The following CDH4 variants were observed in gnomAD, a reference collection of about 807,000 sequenced individuals.
CDH4 encodes the protein cadherin-4.
CDH4 carries 33 observed loss-of-function variants against 86.0 expected under a neutral mutation model. The observed-to-expected ratio is 0.38, with a 90% CI of 0.29 to 0.51. The LOEUF (loss-of-function observed/expected upper bound fraction) is 0.51, where lower values mean the gene tolerates loss of function less well. CDH4 is among the 20% of genes least tolerant of loss of function. CDH4 has a pLI of 0.86. For missense variants in CDH4, 1,114 were observed against 1,307.4 expected (o/e 0.85, Z 2.28); for synonymous variants, 555 against 549.4 (o/e 1.01, Z -0.14).
intron 4 of CDH4, among the ~76,000 whole-genome samples, chr20:61,817,634 C>T (rs1455032226): frequency 6.6e-6 from 1 of 152,152 alleles, no homozygotes; most frequent in African/African-American, 2.4e-5. Flanking sequence ...CCACACTGAA[C>T]AGTGAGTGCC....
chr20:61,686,710 C>T (rs2087582635), intron 2 of CDH4, among the ~76,000 whole-genome samples: 2 of 146,400 alleles, frequency 1.4e-5, no homozygotes, highest in East Asian at 2.1e-4. Context: ...TGTGCGTGTG[C>T]ATTCCCGTGT....
chr20:61,556,710 CAGTGCCCCCAGTGGAGGTCCCCCAGTCTT>C (rs1362284916), intron 2 of CDH4, among the ~76,000 whole-genome samples: 1 of 151,960 alleles, frequency 6.6e-6, no homozygotes, highest in African/African-American at 2.4e-5. Flanking sequence ...CGTGCTTCTC[CAGTGCCCCCAGTGGAGGTCCCCCAGTCTT>C]GGTGCCCCCC....
chr20:61,283,651 G>A (rs2084277309), intron 2 of CDH4, among the ~76,000 whole-genome samples: 2 of 152,162 alleles, frequency 1.3e-5, no homozygotes, highest in Admixed American at 1.3e-4. Context: ...TGAGTGGATG[G>A]GAGGATATTT....
chr20:61,623,179 C>T lies in CDH4; in HGVS notation c.170-120384C>T, dbSNP rs929079357. Among the ~76,000 whole-genome samples, 1 of 152,104 alleles carries T rather than the reference C, an allele frequency of 6.6e-6. No individual in the cohort carries two copies. The highest frequency in any genetic ancestry group is 2.4e-5 in the African/African-American group (1 of 41,430). On this transcript the variant is annotated intron_variant, in intron 2 of 15. Transcript: ENST00000614565. The surrounding 1 kb of genome is among the most constrained non-coding windows in gnomAD (Gnocchi z 4.4). ...AGGTGGGAGTAGAAGGGCCTGGGTT[C>T]AAATCTCGACCCTGCCTATGCCAGC...
intron 2 of CDH4, among the ~76,000 whole-genome samples, chr20:61,401,506 C>T (rs1377222724): frequency 1.3e-5 from 2 of 152,172 alleles, no homozygotes; most frequent in Non-Finnish European, 2.9e-5. Flanking sequence ...AACTCGTGCT[C>T]GTGCAGCCAA....
At chr20:61,728,987 C>T (rs2088146092) in intron 2 of CDH4, among the ~76,000 whole-genome samples, 1 of 152,182 alleles carries the variant, frequency 6.6e-6, no homozygotes, top group African/African-American at 2.4e-5. Flanking sequence ...TGCAGTGACT[C>T]AGGGCAGCAG....
intron 2 of CDH4, among the ~76,000 whole-genome samples, chr20:61,737,650 G>A (rs1384378547): frequency 6.6e-6 from 1 of 152,210 alleles, no homozygotes; most frequent in Non-Finnish European, 1.5e-5. Context: ...TTGGCTGGGT[G>A]CCTTGCTCCC....
chr20:61,814,138 A>G (rs1049487520), intron 4 of CDH4, among the ~76,000 whole-genome samples: 3 of 152,216 alleles, frequency 2.0e-5, no homozygotes, highest in Non-Finnish European at 2.9e-5. Context: ...CCTGCTGAGT[A>G]TGGTAACCTG....
intron 7 of CDH4, among the ~76,000 whole-genome samples, chr20:61,885,440 C>T (rs1477738655): frequency 6.6e-6 from 1 of 152,236 alleles, no homozygotes; most frequent in Non-Finnish European, 1.5e-5. Flanking sequence ...CACCGAGCGT[C>T]ACCGTGGTAG....
chr20:61,571,557 C>A (rs2086341851), intron 2 of CDH4, among the ~76,000 whole-genome samples: 1 of 152,172 alleles, frequency 6.6e-6, no homozygotes, highest in South Asian at 2.1e-4. Flanking sequence ...AGTACAGGAA[C>A]TGGCATGGGT....
chr20:61,317,846 A>G (rs961690353), intron 2 of CDH4, among the ~76,000 whole-genome samples: 1 of 152,208 alleles, frequency 6.6e-6, no homozygotes, highest in Non-Finnish European at 1.5e-5. Flanking sequence ...GTGAATTTGC[A>G]CGAGTTTCCT....
At chr20:61,818,323 C>A (rs1437998500) in intron 4 of CDH4, among the ~76,000 whole-genome samples, 4 of 152,206 alleles carry the variant, frequency 2.6e-5, no homozygotes, top group African/African-American at 9.7e-5. Context: ...CCATCCAGGC[C>A]TGATTCTGGG....
chr20:61,713,746 C>T (rs2087918623), intron 2 of CDH4, among the ~76,000 whole-genome samples: 2 of 152,228 alleles, frequency 1.3e-5, no homozygotes, highest in South Asian at 4.1e-4. Context: ...TCCCCATGGG[C>T]CGCAGCACCA....
At chr20:61,815,572 T>C (rs1980675839) in intron 4 of CDH4, among the ~76,000 whole-genome samples, 1 of 152,152 alleles carries the variant, frequency 6.6e-6, no homozygotes, top group African/African-American at 2.4e-5. Flanking sequence ...ACTCCCTGGA[T>C]TGCAGGAGCC....
At chr20:61,360,691 T>C (rs555607455) in intron 2 of CDH4, among the ~76,000 whole-genome samples, 3 of 152,310 alleles carry the variant, frequency 2.0e-5, no homozygotes, top group African/African-American at 7.2e-5. Context: ...GGTTCCACTC[T>C]GAACCTGATA....
At chr20:61,632,033 T>C (rs898025093) in intron 2 of CDH4, among the ~76,000 whole-genome samples, 14 of 152,356 alleles carry the variant, frequency 9.2e-5, no homozygotes, top group African/African-American at 1.4e-4. Context: ...GTCGGGATGA[T>C]GCCAGGCTCT....
rs1346100435 is a variant in CDH4 at position 61,417,087 on chromosome 20, T to A, written c.169+162150T>A. On this transcript the variant is annotated intron_variant, in intron 2 of 15. Transcript: ENST00000614565. This position sits in a 1 kb window ranked among gnomAD's most constrained non-coding sequence, Gnocchi z 4.0. ...AGCCTGGCATTACTGCTCAATAGAA[T>A]AATATGTGGCCCGCAGAGCTGACTG... Among the ~76,000 whole-genome samples the A allele has an allele frequency of 6.6e-6, 1 of 152,128 alleles. No individual in the cohort carries two copies. The highest frequency in any genetic ancestry group is 1.9e-4 in the East Asian group (1 of 5,194).
chr20:61,895,072 GA>G, intron 8 of CDH4, 25 bp downstream of exon 8: 1 of 1,611,594 alleles, frequency 6.2e-7, no homozygotes, highest in Non-Finnish European at 8.5e-7. Flanking sequence ...GCTGCCCAGT[GA>G]CGCATGGCCC....
chr20:61,379,078 G>A (rs966969158), intron 2 of CDH4, among the ~76,000 whole-genome samples: 2 of 152,190 alleles, frequency 1.3e-5, no homozygotes, highest in East Asian at 3.9e-4. Flanking sequence ...TGAGAATGCC[G>A]GGTAGGGGGT....
Sources: gnomAD v4.1 joint callset for allele counts (sites outside exome capture counted in the v4.1 genomes callset) on GRCh38, gnomAD v4.1.1 for gene constraint, Gnocchi (gnomAD v3.1) non-coding constraint, MANE v1.5 for transcripts, NCBI Gene and HGNC (gene_info 2026-07-23, HGNC 2026-07-21) for gene names.